Variants in EEF1AKMT2 observed in about 807,000 individuals in gnomAD.
EEF1AKMT2 encodes the protein EEF1A lysine methyltransferase 2.
Under a neutral mutation model 35.8 loss-of-function variants are expected in EEF1AKMT2, and 32 were observed. That is an observed-to-expected ratio of 0.89 (90% confidence interval 0.67 to 1.20). EEF1AKMT2 has a LOEUF of 1.20. EEF1AKMT2 is among the 50% of genes most tolerant of loss of function. The pLI is 0.00. For missense variants in EEF1AKMT2, 330 were observed against 347.5 expected (o/e 0.95, Z 0.40); for synonymous variants, 121 against 133.7 (o/e 0.91, Z 0.65).
chr10:124,760,538 T>C (rs753627039), intron 6 of EEF1AKMT2, 35 bp from the exon 7 acceptor site: 61 of 1,532,630 alleles, frequency 4.0e-5, no homozygotes, highest in Middle Eastern at 1.7e-4. Flanking sequence ...TTATTAAGAA[T>C]TGAGTCTCAT....
intron 6 of EEF1AKMT2, among the ~76,000 whole-genome samples, chr10:124,760,803 GCTGTATCT>G (rs1440596457): frequency 6.6e-6 from 1 of 152,226 alleles, no homozygotes; most frequent in Non-Finnish European, 1.5e-5. Context: ...TCTCTGCAAA[GCTGTATCT>G]CTGTTAGCCT....
chr10:124,772,596 C>T (rs1950447935), intron 4 of EEF1AKMT2, among the ~76,000 whole-genome samples: 1 of 151,826 alleles, frequency 6.6e-6, no homozygotes, highest in Non-Finnish European at 1.5e-5. Context: ...GCCCAGCTAA[C>T]TTTCTGTATT....
chr10:124,756,660 G>A (rs557590596), downstream of EEF1AKMT2, among the ~76,000 whole-genome samples: 125 of 152,216 alleles, frequency 8.2e-4, no homozygotes, highest in African/African-American at 2.7e-3. Context: ...ATGAATGATC[G>A]TTCAACAACA....
At chr10:124,786,735 A>C (rs571188945) in intron 3 of EEF1AKMT2, among the ~76,000 whole-genome samples, 1 of 148,650 alleles carries the variant, frequency 6.7e-6, no homozygotes, top group South Asian at 2.2e-4. Flanking sequence ...GCTTGAACCC[A>C]GGAAGCAGAG....
chr10:124,787,302 G>A (rs1278927284), intron 3 of EEF1AKMT2, among the ~76,000 whole-genome samples: 3 of 151,820 alleles, frequency 2.0e-5, no homozygotes, highest in East Asian at 1.9e-4. Flanking sequence ...GCATAATGGC[G>A]TGCGCCTGTA....
intron 4 of EEF1AKMT2, among the ~76,000 whole-genome samples, chr10:124,772,420 CTTTTTTTTTTT>C (rs59707540): frequency 1.3e-5 from 1 of 75,412 alleles, no homozygotes; most frequent in Non-Finnish European, 2.3e-5. Flanking sequence ...TTTTCTTTTT[CTTTTTTTTTTT>C]TTTTTTTTTT....
chr10:124,787,614 G>A (rs1950597103), intron 3 of EEF1AKMT2, among the ~76,000 whole-genome samples: 1 of 151,744 alleles, frequency 6.6e-6, no homozygotes, highest in East Asian at 1.9e-4. Context: ...GCAACATAGT[G>A]AAACCTTGTC....
intron 4 of EEF1AKMT2, among the ~76,000 whole-genome samples, chr10:124,769,135 T>C (rs1422198283): frequency 3.4e-5 from 5 of 148,118 alleles, no homozygotes; most frequent in Non-Finnish European, 7.4e-5. Context: ...GAAGAATCAC[T>C]TGAGCCCAGG....
At chr10:124,765,671 G>A in intron 4 of EEF1AKMT2, 63 bp from the exon 5 acceptor site, 1 of 1,231,716 alleles carries the variant, frequency 8.1e-7, no homozygotes, top group South Asian at 1.3e-5. Flanking sequence ...GAATGTAAGT[G>A]ACAACCTGTA....
At chr10:124,771,139 G>C (rs939322865) in intron 4 of EEF1AKMT2, among the ~76,000 whole-genome samples, 5 of 148,770 alleles carry the variant, frequency 3.4e-5, no homozygotes, top group Non-Finnish European at 5.9e-5. Context: ...TTGCTCTGTC[G>C]CCCAGGCTGG....
intron 4 of EEF1AKMT2, among the ~76,000 whole-genome samples, chr10:124,767,370 G>A (rs1296234813): frequency 2.2e-4 from 33 of 150,638 alleles, no homozygotes; most frequent in Non-Finnish European, 1.0e-4. Flanking sequence ...AAAATTAGCC[G>A]GGCGTGGTGG....
At chr10:124,771,768 C>T (rs866935998) in intron 4 of EEF1AKMT2, among the ~76,000 whole-genome samples, 88 of 151,976 alleles carry the variant, frequency 5.8e-4, no homozygotes, top group African/African-American at 2.1e-3. Flanking sequence ...ACTTGGGAGG[C>T]TGAGGCAGGA....
In EEF1AKMT2 at chr10:124,760,427, C is replaced by G; in HGVS notation, c.*76G>C. 2 of 1,611,542 alleles carry G rather than the reference C, an allele frequency of 1.2e-6. No individual in the cohort carries two copies. Among genetic ancestry groups the G allele is most frequent in the Non-Finnish European group, 1.7e-6 (2 of 1,178,226 alleles). On this transcript the variant is annotated 3_prime_UTR_variant, in exon 7 of 7. Coordinates refer to ENST00000368836, the MANE Select transcript of EEF1AKMT2 (RefSeq NM_212554.4). ...AAAAGTCTCACATTTTTTGGAAAAC[C>G]AATGCTGCTACACTGTTTCCAGATC...
chr10:124,762,699 T>C, intron 5 of EEF1AKMT2, 141 bp from the exon 6 acceptor site: 1 of 384,236 alleles, frequency 2.6e-6, no homozygotes, highest in African/African-American at 2.1e-5. Context: ...AACCGAATAT[T>C]ATAATGCTTA....
chr10:124,784,224 C>T (rs1344829744), intron 3 of EEF1AKMT2, among the ~76,000 whole-genome samples: 1 of 151,972 alleles, frequency 6.6e-6, no homozygotes, highest in Non-Finnish European at 1.5e-5. Flanking sequence ...TGAAATCATA[C>T]AAATCATATA....
intron 3 of EEF1AKMT2, among the ~76,000 whole-genome samples, chr10:124,781,752 G>GAA (rs796413174): frequency 7.9e-6 from 1 of 126,846 alleles, no homozygotes; most frequent in Non-Finnish European, 1.7e-5. Context: ...TAGACAGAAA[G>GAA]AAAAAAAAAA....
At chr10:124,761,552 T>C (rs996730520) in intron 6 of EEF1AKMT2, among the ~76,000 whole-genome samples, 1 of 152,176 alleles carries the variant, frequency 6.6e-6, no homozygotes, top group Non-Finnish European at 1.5e-5. Flanking sequence ...AAAAATTAAC[T>C]TGGCGTCTAA....
intron 3 of EEF1AKMT2, among the ~76,000 whole-genome samples, chr10:124,782,301 G>A (rs1294642590): frequency 1.3e-5 from 2 of 152,148 alleles, no homozygotes; most frequent in Admixed American, 6.5e-5. Flanking sequence ...GTTCAAGACC[G>A]GCCGGGTGCG....
intron 5 of EEF1AKMT2, among the ~76,000 whole-genome samples, chr10:124,763,435 T>TA: frequency 1.3e-5 from 2 of 152,334 alleles, no homozygotes; most frequent in East Asian, 3.9e-4. Context: ...TGGCAGCCAG[T>TA]ATGAGTAGTC....
Sources: allele counts gnomAD v4.1 joint callset (sites outside exome capture counted in the v4.1 genomes callset), GRCh38; gene constraint gnomAD v4.1.1; transcripts MANE v1.5; gene names NCBI Gene and HGNC (gene_info 2026-07-23, HGNC 2026-07-21).